MTUS2: variants seen among roughly 807,000 people sequenced by gnomAD.
The protein encoded by MTUS2 is microtubule associated scaffold protein 2, also known as microtubule-associated tumor suppressor candidate 2.
MTUS2 carries 40 observed loss-of-function variants against 114.1 expected under a neutral mutation model. The observed-to-expected ratio is 0.35, with a 90% CI of 0.27 to 0.46. MTUS2 has a LOEUF of 0.46. MTUS2 is among the 20% of genes least tolerant of loss of function. The pLI, the probability that MTUS2 is intolerant of heterozygous loss-of-function variation, is 1.00. For synonymous variants in MTUS2, 688 were observed against 672.0 expected, an observed-to-expected ratio of 1.02 and a Z score of -0.37; for missense variants, 1,679 against 1,705.4, an observed-to-expected ratio of 0.98 and a Z score of 0.27.
At chr13:29,084,129 G>T (rs767243715) in intron 4 of MTUS2, among the ~76,000 whole-genome samples, 1 of 152,056 alleles carries the variant, frequency 6.6e-6, no homozygotes, top group Non-Finnish European at 1.5e-5. Flanking sequence ...CAGTGTTAAG[G>T]CCATGAAGAT....
intron 8 of MTUS2, among the ~76,000 whole-genome samples, chr13:29,360,179 T>TG (rs1283215327): frequency 1.3e-5 from 2 of 152,158 alleles, no homozygotes; most frequent in Admixed American, 1.3e-4. Flanking sequence ...AAGGTGTGCT[T>TG]GGGGGAGAAA....
chr13:29,464,778 C>G (rs986068752), intron 9 of MTUS2, among the ~76,000 whole-genome samples: 3 of 152,216 alleles, frequency 2.0e-5, no homozygotes, highest in African/African-American at 7.2e-5. Context: ...CAGTGATTCT[C>G]AAAGTGTGGC....
chr13:29,199,683 A>G (rs962065743), intron 5 of MTUS2, among the ~76,000 whole-genome samples: 14 of 151,816 alleles, frequency 9.2e-5, no homozygotes, highest in Non-Finnish European at 1.6e-4. Flanking sequence ...AGGTTTTGGT[A>G]TCAGGATGAT....
chr13:29,388,978 C>T (rs761685971), intron 8 of MTUS2, among the ~76,000 whole-genome samples: 118 of 152,094 alleles, frequency 7.8e-4, no homozygotes, highest in Non-Finnish European at 1.0e-3. Context: ...CCTAATGGAA[C>T]TGCCATTATA....
At chr13:29,463,127 G>A (rs1879629203) in intron 9 of MTUS2, among the ~76,000 whole-genome samples, 1 of 152,148 alleles carries the variant, frequency 6.6e-6, no homozygotes, top group Non-Finnish European at 1.5e-5. Flanking sequence ...TGCACTGTTG[G>A]TGCATCTGAT....
intron 5 of MTUS2, among the ~76,000 whole-genome samples, chr13:29,247,191 C>A (rs1896958048): frequency 6.6e-6 from 1 of 152,146 alleles, no homozygotes; most frequent in African/African-American, 2.4e-5. Context: ...ACAAATGAGG[C>A]TGGGATAATT....
chr13:29,034,699 G>A (rs1886983826), intron 4 of MTUS2, among the ~76,000 whole-genome samples: 2 of 152,248 alleles, frequency 1.3e-5, no homozygotes, highest in East Asian at 1.9e-4. Flanking sequence ...TTGGTCATCC[G>A]GCAGGATACA....
chr13:28,963,929 C>T (rs375953230), intron 2 of MTUS2, among the ~76,000 whole-genome samples: 2 of 152,206 alleles, frequency 1.3e-5, no homozygotes, highest in Admixed American at 1.3e-4. Context: ...AGTCTCCCCC[C>T]AGCCTGACCT....
intron 7 of MTUS2, among the ~76,000 whole-genome samples, chr13:29,338,988 A>G (rs1901233473): frequency 6.6e-6 from 1 of 152,126 alleles, no homozygotes. Flanking sequence ...TGGTGGGGAC[A>G]GTGGCTCCTG....
At chr13:29,394,820 C>G (rs952319082) in intron 8 of MTUS2, among the ~76,000 whole-genome samples, 3 of 152,170 alleles carry the variant, frequency 2.0e-5, no homozygotes, top group Non-Finnish European at 4.4e-5. Context: ...GAACACAAAC[C>G]CTGTTGTTAA....
chr13:28,922,217 T>G (rs1014607718), intron 2 of MTUS2, among the ~76,000 whole-genome samples: 6 of 152,226 alleles, frequency 3.9e-5, no homozygotes, highest in African/African-American at 1.4e-4. Flanking sequence ...GTAAGTTTCC[T>G]GAGGCCTCCC....
chr13:29,216,494 C>T (rs1387192843), intron 5 of MTUS2, among the ~76,000 whole-genome samples: 1 of 152,142 alleles, frequency 6.6e-6, no homozygotes, highest in Admixed American at 6.5e-5. Flanking sequence ...AAACCCAGGG[C>T]CCTGGTGGTG....
intron 9 of MTUS2, among the ~76,000 whole-genome samples, chr13:29,466,564 A>G (rs1003460947): frequency 6.6e-6 from 1 of 152,170 alleles, no homozygotes; most frequent in Non-Finnish European, 1.5e-5. Flanking sequence ...AAAGCCATAA[A>G]CTGATGAGTA....
intron 6 of MTUS2, among the ~76,000 whole-genome samples, chr13:29,289,282 G>A (rs1216646580): frequency 1.3e-5 from 2 of 151,828 alleles, no homozygotes; most frequent in African/African-American, 4.8e-5. Flanking sequence ...CTGCAGAGAG[G>A]CTGGGTGGAC....
At position 29,492,614 on chromosome 13, in the gene MTUS2, A is replaced by G. The variant is rs766417876; in HGVS notation, c.3506-32A>G. 9 of 1,572,806 alleles carry G rather than the reference A, an allele frequency of 5.7e-6. No homozygotes were observed. The South Asian group carries it at 8.9e-5, about 16-fold the overall frequency. On this transcript the variant is annotated intron_variant, in intron 11 of 15. Coordinates refer to ENST00000612955, the MANE Select transcript of MTUS2 (RefSeq NM_001033602.4). Reference sequence around the variant, plus strand: ...TTGTTTTATCCTTTTCAAAAGAAAGACCAACTTGACAATTTAATGTCTTCT... The same window carrying G: ...TTGTTTTATCCTTTTCAAAAGAAAGGCCAACTTGACAATTTAATGTCTTCT...
chr13:29,221,083 AG>A (rs35657752), intron 5 of MTUS2, among the ~76,000 whole-genome samples: 112,300 of 152,076 alleles, frequency 0.74, 41,572 homozygotes, highest in East Asian at 0.8. Context: ...TAGAGAATTA[AG>A]CCCTAATGCC....
chr13:29,193,596 A>G (rs1894537914), intron 5 of MTUS2, among the ~76,000 whole-genome samples: 1 of 152,206 alleles, frequency 6.6e-6, no homozygotes, highest in Non-Finnish European at 1.5e-5. Context: ...ATAAAAGAGG[A>G]TACAAAGAAA....
At chr13:29,347,188 T>C (rs558822951) in intron 7 of MTUS2, among the ~76,000 whole-genome samples, 81 of 152,218 alleles carry the variant, frequency 5.3e-4, no homozygotes, top group African/African-American at 1.8e-3. Flanking sequence ...TCTGCCATTT[T>C]CCCTCACTTT....
At chr13:28,891,262 G>A (rs1878905625) in intron 2 of MTUS2, among the ~76,000 whole-genome samples, 2 of 152,222 alleles carry the variant, frequency 1.3e-5, no homozygotes, top group Admixed American at 1.3e-4. Flanking sequence ...GATCCAGCCA[G>A]TATCCCTGTA....
Sources: gnomAD v4.1 joint callset for allele counts (sites outside exome capture counted in the v4.1 genomes callset) on GRCh38, gnomAD v4.1.1 for gene constraint, MANE v1.5 for transcripts, NCBI Gene and HGNC (gene_info 2026-07-23, HGNC 2026-07-21) for gene names.